The following RAB11FIP2 variants were observed in gnomAD, a reference collection of about 807,000 sequenced individuals.
RAB11FIP2 encodes RAB11 family interacting protein 2, also known as rab11 family-interacting protein 2.
In RAB11FIP2, 16 loss-of-function variants were observed where a neutral mutation model predicts 40.9. The observed-to-expected ratio is 0.39, with a 90% CI of 0.26 to 0.59. RAB11FIP2 has a LOEUF of 0.59. RAB11FIP2 is among the 20% of genes least tolerant of loss of function. RAB11FIP2 has a pLI of 0.53. For missense variants in RAB11FIP2, 532 were observed against 606.2 expected (o/e 0.88, Z 1.28); for synonymous variants, 228 against 213.7 (o/e 1.07, Z -0.58).
chr10:118,028,865 C>T (rs1446205230), intron 3 of RAB11FIP2, among the ~76,000 whole-genome samples: 2 of 152,000 alleles, frequency 1.3e-5, no homozygotes, highest in Non-Finnish European at 2.9e-5. Flanking sequence ...GTTACTGAAA[C>T]TTCCACTCTT....
chr10:118,032,345 T>C (rs768087136), intron 3 of RAB11FIP2, among the ~76,000 whole-genome samples: 29 of 149,268 alleles, frequency 1.9e-4, no homozygotes, highest in Non-Finnish European at 2.9e-4. Context: ...TTTAATAGAC[T>C]TTTCTGCCTG....
chr10:118,013,805 A>G (rs1049353491), intron 4 of RAB11FIP2, among the ~76,000 whole-genome samples: 1 of 152,142 alleles, frequency 6.6e-6, no homozygotes, highest in Admixed American at 6.5e-5. Flanking sequence ...ATGCTTCTAC[A>G]GCAATAAATT....
chr10:118,044,323 G>A (rs949422225), intron 1 of RAB11FIP2, among the ~76,000 whole-genome samples: 1 of 152,044 alleles, frequency 6.6e-6, no homozygotes, highest in African/African-American at 2.4e-5. Flanking sequence ...GAATTTGAAG[G>A]TGCAATATAC....
At position 118,006,555 on chromosome 10, in the gene RAB11FIP2, A is replaced by G. The variant is rs1008307506; in HGVS notation, c.*2443T>C. ...TCTTTTTCTACAACGTGAGAAATTAAAACTACTTTGCACTTCTGCCCAAAC... is the reference window on the plus strand; with the variant it reads ...TCTTTTTCTACAACGTGAGAAATTAGAACTACTTTGCACTTCTGCCCAAAC... On this transcript the variant is annotated 3_prime_UTR_variant, in exon 5 of 5. Coordinates refer to ENST00000355624, the MANE Select transcript of RAB11FIP2 (RefSeq NM_014904.3). The G allele has an allele frequency of 1.3e-5, 2 of 152,154 alleles. No individual in the cohort carries two copies. The highest frequency in any genetic ancestry group is 1.9e-4 in the East Asian group (1 of 5,204). 9.4% of individuals were successfully genotyped at this position (152,154 alleles called of 1,614,324 possible).
At chr10:118,020,301 C>A (rs559252377) in intron 3 of RAB11FIP2, among the ~76,000 whole-genome samples, 2 of 152,288 alleles carry the variant, frequency 1.3e-5, no homozygotes, top group South Asian at 4.1e-4. Flanking sequence ...GAGTCCAGGG[C>A]AATTTCATGA....
At chr10:118,022,866 A>G (rs1469645523) in intron 3 of RAB11FIP2, among the ~76,000 whole-genome samples, 1 of 152,220 alleles carries the variant, frequency 6.6e-6, no homozygotes, top group African/African-American at 2.4e-5. Flanking sequence ...GGGTGAGTTG[A>G]CTGAGTACAT....
chr10:118,009,941 A>G (rs916378830), intron 4 of RAB11FIP2, among the ~76,000 whole-genome samples: 1 of 152,126 alleles, frequency 6.6e-6, no homozygotes, highest in Non-Finnish European at 1.5e-5. Context: ...TACGGTTAGT[A>G]TATTTGCATT....
intron 3 of RAB11FIP2, among the ~76,000 whole-genome samples, chr10:118,038,378 CAT>C (rs2133181095): frequency 6.6e-6 from 1 of 152,106 alleles, no homozygotes; most frequent in South Asian, 2.1e-4. Flanking sequence ...CAATCTTTCT[CAT>C]GAGTGATTAT....
chr10:118,038,070 T>C (rs1480584945), intron 3 of RAB11FIP2, among the ~76,000 whole-genome samples: 1 of 151,918 alleles, frequency 6.6e-6, no homozygotes, highest in African/African-American at 2.4e-5. Flanking sequence ...CATGGTTGAT[T>C]GAATCCAAAA....
At position 118,007,561 on chromosome 10, in the gene RAB11FIP2, A is replaced by G. The variant is rs1481499145; in HGVS notation, c.*1437T>C. 6.6e-6 allele frequency: 1 copy of G among 152,048 alleles called. No individual in the cohort carries two copies. Among genetic ancestry groups the G allele is most frequent in the Non-Finnish European group, 1.5e-5 (1 of 67,950 alleles). The allele number at this position is 152,048 out of a possible 1,614,324, so 9.4% of individuals were successfully genotyped here. A position where few individuals can be genotyped will look rare whatever the true frequency, so the allele number is the denominator to read the frequency against. The stretch of plus-strand genomic sequence containing the variant: ...TTCATGGAAAGATTGGGGAATATGT[A>G]AGTCTCCATATGGACATGAATTTTC... On this transcript the variant is annotated 3_prime_UTR_variant, in exon 5 of 5. Coordinates refer to ENST00000355624, the MANE Select transcript of RAB11FIP2 (RefSeq NM_014904.3).
Position 118,021,878 on chromosome 10 carries a change from C to T in RAB11FIP2, c.1266-6768G>A, listed in dbSNP as rs1355969506. 2.0e-5 allele frequency among the ~76,000 whole-genome samples: 3 copies of T among 152,142 alleles called. No individual in the cohort carries two copies. The East Asian group carries it at 5.8e-4, about 29-fold the overall frequency. On this transcript the variant is annotated intron_variant, in intron 3 of 4. Coordinates refer to ENST00000355624, the MANE Select transcript of RAB11FIP2 (RefSeq NM_014904.3). Reference sequence around the variant, plus strand: ...CTTAAGGTTGTTTTCAGGCCTTTTCCGCTCTACCTCGGAGATTTCATATTC... The same window carrying T: ...CTTAAGGTTGTTTTCAGGCCTTTTCTGCTCTACCTCGGAGATTTCATATTC...
chr10:118,021,368 A>G (rs1179423259), intron 3 of RAB11FIP2, among the ~76,000 whole-genome samples: 1 of 152,158 alleles, frequency 6.6e-6, no homozygotes, highest in East Asian at 1.9e-4. Context: ...ATACCATAAA[A>G]TCTCATACAA....
intron 4 of RAB11FIP2, among the ~76,000 whole-genome samples, chr10:118,013,925 G>C (rs1312584853): frequency 6.6e-6 from 1 of 152,096 alleles, no homozygotes; most frequent in African/African-American, 2.4e-5. Flanking sequence ...TTTTGTTTGA[G>C]ATTAAGTAAC....
rs114181110 is a variant in RAB11FIP2, at chr10:118,043,850, G to A, written c.353+1961C>T. On this transcript the variant is annotated intron_variant, in intron 1 of 4. Coordinates refer to ENST00000355624, the MANE Select transcript of RAB11FIP2 (RefSeq NM_014904.3). ...CAAGTCTGTCTCTTACTGGGCCACA[G>A]GTACAGCTGTGCTAGAAAAGGAAGC... 9.5e-3 allele frequency among the ~76,000 whole-genome samples: 1,444 copies of A among 152,154 alleles called. 24 individuals are homozygous for A. The highest frequency in any genetic ancestry group is 0.033 in the African/African-American group (1,365 of 41,498).
rs140342936 is a variant in RAB11FIP2 at position 118,037,351 on chromosome 10, C to CA, written c.1265+1620dup. Among the ~76,000 whole-genome samples the CA allele has an allele frequency of 5.3e-3, 804 of 151,642 alleles. 7 individuals are homozygous for CA. Among genetic ancestry groups the CA allele is most frequent in the African/African-American group, 0.019 (773 of 41,408 alleles). ...ATATCCATTTATAGGTAAAAGAAAA[C>CA]AAAAAAAGTACACTTCACTTTGAAA... On this transcript the variant is annotated intron_variant, in intron 3 of 4. Transcript: ENST00000355624.
At chr10:118,032,219 A>T (rs1241012665) in intron 3 of RAB11FIP2, among the ~76,000 whole-genome samples, 1 of 152,058 alleles carries the variant, frequency 6.6e-6, no homozygotes, top group Non-Finnish European at 1.5e-5. Flanking sequence ...ATTTCTCCTC[A>T]ATTTACCATG....
At chr10:118,038,683 G>A (rs577603754) in intron 3 of RAB11FIP2, among the ~76,000 whole-genome samples, 2 of 152,086 alleles carry the variant, frequency 1.3e-5, no homozygotes, top group African/African-American at 4.8e-5. Flanking sequence ...CTCTCGCCAT[G>A]TCTCATCACA....
At chr10:118,019,799 C>T (rs144684742) in intron 3 of RAB11FIP2, among the ~76,000 whole-genome samples, 5,115 of 150,460 alleles carry the variant, frequency 0.034, 116 homozygotes, top group Non-Finnish European at 0.052. Context: ...GCACTCCAAC[C>T]TGGGGGAAGG....
intron 3 of RAB11FIP2, among the ~76,000 whole-genome samples, chr10:118,036,834 T>C (rs1484556048): frequency 2.0e-5 from 3 of 151,940 alleles, no homozygotes; most frequent in Non-Finnish European, 4.4e-5. Context: ...CAGCCAATAA[T>C]AATAAAGTAA....
Sources: gnomAD v4.1 joint callset for allele counts (sites outside exome capture counted in the v4.1 genomes callset) on GRCh38, gnomAD v4.1.1 for gene constraint, MANE v1.5 for transcripts, NCBI Gene and HGNC (gene_info 2026-07-23, HGNC 2026-07-21) for gene names.